ACER1: variants seen among roughly 807,000 people sequenced by gnomAD.
ACER1 encodes CTB-180A7.3.
ACER1 carries 28 observed loss-of-function variants against 24.9 expected under a neutral mutation model. That is an observed-to-expected ratio of 1.13 (90% CI 0.83 to 1.54). ACER1 has a LOEUF of 1.54. Among genes scored for constraint, ACER1 ranks in the 40% most tolerant of loss-of-function variants. The pLI, the probability that ACER1 is intolerant of heterozygous loss-of-function variation, is 0.00. For missense variants in ACER1, 352 were observed against 349.3 expected, an observed-to-expected ratio of 1.01 and a Z score of -0.06; for synonymous variants, 132 against 131.4, an observed-to-expected ratio of 1.00 and a Z score of -0.03.
chr19:6,357,609 T>C, the ACER1 span, among the ~76,000 whole-genome samples: 3 of 151,716 alleles, frequency 2.0e-5, no homozygotes, highest in Admixed American at 2.0e-4. Flanking sequence ...CCATCTCTAC[T>C]AAAAATACAA....
chr19:6,345,322 A>AC, the ACER1 span, among the ~76,000 whole-genome samples: 1 of 152,068 alleles, frequency 6.6e-6, no homozygotes, highest in African/African-American at 2.4e-5. Context: ...GCTTTTTGTC[A>AC]CCCAGGACCA....
the ACER1 span, among the ~76,000 whole-genome samples, chr19:6,347,109 A>AAAAAAAAAAAAAAAAAAATATATAT: frequency 8.8e-6 from 1 of 113,822 alleles, no homozygotes; most frequent in African/African-American, 5.1e-5. Context: ...AAAAAAAAAA[A>AAAAAAAAAAAAAAAAAAATATATAT]ATATATATAT....
chr19:6,347,636 G>C, the ACER1 span, among the ~76,000 whole-genome samples: 696 of 151,908 alleles, frequency 4.6e-3, 4 homozygotes, highest in African/African-American at 0.016. Context: ...AGGAGTTCAA[G>C]ACCAGCCTGA....
chr19:6,358,527 C>G, the ACER1 span, among the ~76,000 whole-genome samples: 155 of 150,888 alleles, frequency 1.0e-3, no homozygotes, highest in Middle Eastern at 0.014. Flanking sequence ...CTTGGGAGGC[C>G]GAGGCAGGAG....
chr19:6,306,671 G>A lies in ACER1; in HGVS notation c.*43C>T. 6.4e-7 allele frequency: 1 copy of A among 1,567,022 alleles called. No homozygotes were observed. The highest frequency in any genetic ancestry group is 1.3e-5 in the African/African-American group (1 of 74,286). On this transcript the variant is annotated 3_prime_UTR_variant, in exon 6 of 6. Coordinates refer to ENST00000301452, the MANE Select transcript of ACER1 (RefSeq NM_133492.3). ...ACCGGGGCTATCTTCTCAAGACACA[G>A]GCAAGTTGTTGGGTGGTTGGATAGT... is the stretch of plus-strand genomic sequence containing the variant.
In ACER1 at chr19:6,312,144, C is replaced by A; in HGVS notation, c.350+5G>T. The A allele has an allele frequency of 6.2e-7, 1 of 1,613,052 alleles. No individual in the cohort carries two copies. The highest frequency in any genetic ancestry group is 8.5e-7 in the Non-Finnish European group (1 of 1,179,680). On this transcript the variant is annotated splice_donor_5th_base_variant and intron_variant, in intron 3 of 5. Coordinates refer to ENST00000301452, the MANE Select transcript of ACER1 (RefSeq NM_133492.3). The stretch of plus-strand genomic sequence containing the variant: ...CCCTGTCCAGATGGCCAGCCCCTGA[C>A]CCACCTGTTCCCCCCAAGGAAGGAG...
chr19:6,342,811 CTTG>C, the ACER1 span, among the ~76,000 whole-genome samples: 9 of 151,812 alleles, frequency 5.9e-5, no homozygotes, highest in African/African-American at 1.9e-4. Context: ...GAGTTTTGCT[CTTG>C]TTGCCCAGGC....
the ACER1 span, among the ~76,000 whole-genome samples, chr19:6,341,333 A>G: frequency 1.3e-5 from 2 of 151,112 alleles, no homozygotes; most frequent in African/African-American, 4.8e-5. Context: ...ACAAAAAACC[A>G]GTCTAGGCAA....
the ACER1 span, among the ~76,000 whole-genome samples, chr19:6,341,523 C>CA: frequency 0.083 from 5,017 of 60,276 alleles, 288 homozygotes; most frequent in African/African-American, 0.23. Flanking sequence ...GACCTTGTCT[C>CA]AAAAAAAAAA....
At chr19:6,326,661 C>T (rs913201532) in intron 1 of ACER1, among the ~76,000 whole-genome samples, 6 of 152,040 alleles carry the variant, frequency 3.9e-5, no homozygotes, top group African/African-American at 9.7e-5. Context: ...TTCCTCTCTC[C>T]GCCTCAAGCT....
the ACER1 span, among the ~76,000 whole-genome samples, chr19:6,340,885 T>C: frequency 0.012 from 1,812 of 152,162 alleles, 40 homozygotes; most frequent in African/African-American, 0.042. Context: ...ATGCCACCAA[T>C]GTAATGGCTT....
chr19:6,347,394 A>T, the ACER1 span, among the ~76,000 whole-genome samples: 2 of 151,268 alleles, frequency 1.3e-5, no homozygotes, highest in Non-Finnish European at 2.9e-5. Context: ...ATGTTTCTGA[A>T]TTTTTTGTAG....
At chr19:6,308,215 A>G (rs555770790) in intron 4 of ACER1, among the ~76,000 whole-genome samples, 4 of 152,248 alleles carry the variant, frequency 2.6e-5, no homozygotes, top group African/African-American at 9.6e-5. Context: ...CGGGCAGATC[A>G]TCTGAGGTTA....
intron 4 of ACER1, among the ~76,000 whole-genome samples, chr19:6,308,759 T>A (rs2091563548): frequency 6.6e-6 from 1 of 151,816 alleles, no homozygotes; most frequent in Non-Finnish European, 1.5e-5. Flanking sequence ...TAAAAAAAAA[T>A]TAGGGGTGAA....
chr19:6,340,770 T>TGGGTGGGAGCC, the ACER1 span, among the ~76,000 whole-genome samples: 4 of 151,620 alleles, frequency 2.6e-5, no homozygotes, highest in Admixed American at 2.0e-4. Flanking sequence ...GCCAGGAAGG[T>TGGGTGGGAGCC]GGGTGGGAGC....
intron 4 of ACER1, among the ~76,000 whole-genome samples, chr19:6,308,256 G>A (rs759935477): frequency 5.9e-5 from 9 of 151,860 alleles, no homozygotes; most frequent in East Asian, 1.9e-4. Context: ...CCAACATGGC[G>A]AAACTCTGTC....
At chr19:6,345,351 T>A in the ACER1 span, among the ~76,000 whole-genome samples, 1 of 152,160 alleles carries the variant, frequency 6.6e-6, no homozygotes, top group African/African-American at 2.4e-5. Flanking sequence ...CAAGACAATT[T>A]TATCACGGAG....
chr19:6,335,753 C>T (rs1380329377), upstream of ACER1, among the ~76,000 whole-genome samples: 1 of 151,460 alleles, frequency 6.6e-6, no homozygotes, highest in African/African-American at 2.4e-5. Context: ...ATGGCATGAA[C>T]CCAGGAGACG....
the ACER1 span, among the ~76,000 whole-genome samples, chr19:6,344,618 A>T: frequency 6.7e-6 from 1 of 150,092 alleles, no homozygotes; most frequent in African/African-American, 2.5e-5. Context: ...CTGGTCCTGA[A>T]CTCCTGACCT....
Sources: allele counts gnomAD v4.1 joint callset (sites outside exome capture counted in the v4.1 genomes callset), GRCh38; gene constraint gnomAD v4.1.1; transcripts MANE v1.5; gene names NCBI Gene and HGNC (gene_info 2026-07-23, HGNC 2026-07-21).